PPM1L: variants seen among roughly 807,000 people sequenced by gnomAD.
PPM1L encodes protein phosphatase, Mg2+/Mn2+ dependent 1L, also known as protein phosphatase 1L.
A neutral mutation model predicts 31.4 loss-of-function variants in PPM1L; 13 were observed. The observed-to-expected ratio is 0.41, with a 90% CI of 0.27 to 0.66. The LOEUF (loss-of-function observed/expected upper bound fraction) is 0.66, where lower values mean the gene tolerates loss of function less well. Ranked by LOEUF, PPM1L falls within the 30% of genes least tolerant of loss-of-function variation. The pLI, the probability that PPM1L is intolerant of heterozygous loss-of-function variation, is 0.29. For synonymous variants in PPM1L, 184 were observed against 175.4 expected (o/e 1.05, Z -0.39); for missense variants, 326 against 453.7 (o/e 0.72, Z 2.56).
intron 1 of PPM1L, among the ~76,000 whole-genome samples, chr3:160,835,891 C>T (rs979628380): frequency 2.6e-5 from 4 of 152,058 alleles, no homozygotes; most frequent in Non-Finnish European, 5.9e-5. Context: ...CATCTCTGCT[C>T]TTACTGTAAA....
chr3:160,818,090 G>A (rs1417948624), intron 1 of PPM1L, among the ~76,000 whole-genome samples: 2 of 151,824 alleles, frequency 1.3e-5, no homozygotes, highest in African/African-American at 4.8e-5. Flanking sequence ...TACTAGTCAG[G>A]GAAGCTCAAA....
chr3:160,986,541 A>G (rs1188319812), intron 2 of PPM1L, among the ~76,000 whole-genome samples: 1 of 152,238 alleles, frequency 6.6e-6, no homozygotes, highest in Non-Finnish European at 1.5e-5. Flanking sequence ...GAACCTAGAA[A>G]AATAACATTT....
intron 1 of PPM1L, among the ~76,000 whole-genome samples, chr3:160,830,402 A>C (rs916489140): frequency 6.6e-6 from 1 of 152,178 alleles, no homozygotes; most frequent in Admixed American, 6.6e-5. Flanking sequence ...GACAACTAGC[A>C]TGCATCCTAG....
chr3:160,944,870 T>C (rs1176244173), intron 1 of PPM1L, among the ~76,000 whole-genome samples: 1 of 34,080 alleles, frequency 2.9e-5, no homozygotes, highest in African/African-American at 8.0e-5. Flanking sequence ...TATATAATGT[T>C]ATATATAACA....
intron 2 of PPM1L, among the ~76,000 whole-genome samples, chr3:161,053,214 A>T (rs569322044): frequency 3.3e-4 from 51 of 152,366 alleles, no homozygotes; most frequent in African/African-American, 1.2e-3. Flanking sequence ...ATTATAAATT[A>T]ATTTCAGTAG....
At chr3:160,942,250 T>C (rs924584151) in intron 1 of PPM1L, among the ~76,000 whole-genome samples, 3 of 152,176 alleles carry the variant, frequency 2.0e-5, no homozygotes, top group Non-Finnish European at 4.4e-5. Context: ...TTCATTCCTG[T>C]ACATTGGTTT....
chr3:160,853,486 C>T lies in PPM1L; in HGVS notation c.399+96779C>T, dbSNP rs59683299. Among the ~76,000 whole-genome samples, 88 of 151,998 alleles carry T rather than the reference C, an allele frequency of 5.8e-4. No individual in the cohort carries two copies. In the East Asian group the frequency reaches 0.012, roughly 21 times the overall value. On this transcript the variant is annotated intron_variant, in intron 1 of 3. Coordinates refer to ENST00000498165, the MANE Select transcript of PPM1L (RefSeq NM_139245.4). ...ATTTAATTATTCATGCTATGATGGACTGCATAAATTAAAGAAAAAATAGAA... is the reference window on the plus strand; with the variant it reads ...ATTTAATTATTCATGCTATGATGGATTGCATAAATTAAAGAAAAAATAGAA...
chr3:161,050,604 A>G (rs747858748), intron 2 of PPM1L, among the ~76,000 whole-genome samples: 1 of 152,146 alleles, frequency 6.6e-6, no homozygotes, highest in Non-Finnish European at 1.5e-5. Flanking sequence ...TGCTAATGTA[A>G]TATTTATTTT....
At chr3:160,779,175 A>G (rs1479702149) in intron 1 of PPM1L, among the ~76,000 whole-genome samples, 2 of 152,094 alleles carry the variant, frequency 1.3e-5, no homozygotes, top group African/African-American at 4.8e-5. Context: ...GCATAGAGAA[A>G]GAAAGAGGTG....
chr3:161,015,959 C>A (rs1258676472), intron 2 of PPM1L, among the ~76,000 whole-genome samples: 1 of 152,104 alleles, frequency 6.6e-6, no homozygotes, highest in Non-Finnish European at 1.5e-5. Flanking sequence ...CAGTTCCCAG[C>A]CCTTGAGAAA....
intron 2 of PPM1L, among the ~76,000 whole-genome samples, chr3:160,995,095 T>C (rs1443424050): frequency 6.6e-6 from 1 of 152,066 alleles, no homozygotes; most frequent in Non-Finnish European, 1.5e-5. Flanking sequence ...AGGTTGACAA[T>C]TGGATTTCGT....
At chr3:160,970,369 A>G (rs1488654393) in intron 2 of PPM1L, among the ~76,000 whole-genome samples, 1 of 151,434 alleles carries the variant, frequency 6.6e-6, no homozygotes, top group Non-Finnish European at 1.5e-5. Flanking sequence ...CTGAGAACTT[A>G]TTTCTGGCGA....
At chr3:160,968,211 G>A (rs909593662) in intron 2 of PPM1L, among the ~76,000 whole-genome samples, 3 of 150,338 alleles carry the variant, frequency 2.0e-5, no homozygotes, top group Non-Finnish European at 4.5e-5. Context: ...CATTAAGATA[G>A]TTTAGACCTT....
chr3:160,865,655 G>GT (rs1197107306), intron 1 of PPM1L, among the ~76,000 whole-genome samples: 7 of 152,258 alleles, frequency 4.6e-5, no homozygotes, highest in Non-Finnish European at 7.4e-5. Flanking sequence ...TGCGCCTGTA[G>GT]TCCCAGCTAC....
intron 1 of PPM1L, among the ~76,000 whole-genome samples, chr3:160,904,471 T>C (rs1211962075): frequency 1.3e-5 from 2 of 152,170 alleles, no homozygotes; most frequent in African/African-American, 2.4e-5. Context: ...GATTGATTGC[T>C]GTATATGTTT....
intron 1 of PPM1L, among the ~76,000 whole-genome samples, chr3:160,916,203 A>C (rs550265212): frequency 2.8e-3 from 423 of 152,300 alleles, no homozygotes; most frequent in Non-Finnish European, 4.9e-3. Flanking sequence ...GAACTCAAAC[A>C]AATTTACAAG....
At chr3:160,834,487 G>A (rs867845377) in intron 1 of PPM1L, among the ~76,000 whole-genome samples, 1 of 141,652 alleles carries the variant, frequency 7.1e-6, no homozygotes, top group African/African-American at 2.5e-5. Context: ...GTGTGTGTGT[G>A]TGTGTGTGTG....
Position 161,065,521 on chromosome 3 carries a change from C to T in PPM1L, c.693C>T (p.His231=). ...DGNAIPLSHD[H]KPYQLKERKR... The stretch of plus-strand genomic sequence containing the variant: ...ACGCTATTCCTTTGTCTCATGATCA[C>T]AAGCCTTACCAGTTGAAGGAAAGAA... Residue 231 remains histidine, a synonymous_variant, in exon 3 of 4, where the codon CAC becomes CAT. Coordinates refer to ENST00000498165, the MANE Select transcript of PPM1L (RefSeq NM_139245.4). 6.2e-7 allele frequency: 1 copy of T among 1,614,046 alleles called. No individual in the cohort carries two copies.
chr3:160,901,185 A>T (rs189764978), intron 1 of PPM1L, among the ~76,000 whole-genome samples: 37 of 151,712 alleles, frequency 2.4e-4, no homozygotes, highest in African/African-American at 8.5e-4. Context: ...TTTAGCTCAG[A>T]CCTCTCCTGT....
Sources: gnomAD v4.1 joint callset for allele counts (sites outside exome capture counted in the v4.1 genomes callset) on GRCh38, gnomAD v4.1.1 for gene constraint, MANE v1.5 for transcripts, NCBI Gene and HGNC (gene_info 2026-07-23, HGNC 2026-07-21) for gene names.